Variants in TUBGCP2 observed in about 807,000 individuals in gnomAD.
TUBGCP2 encodes gamma-tubulin complex component 2.
In TUBGCP2, 55 loss-of-function variants were observed where a neutral mutation model predicts 92.2. That is an observed-to-expected ratio of 0.60 (90% CI 0.48 to 0.75). TUBGCP2 has a LOEUF of 0.75. TUBGCP2 is among the 30% of genes least tolerant of loss of function. The pLI is 0.00. For synonymous variants in TUBGCP2, 533 were observed against 505.2 expected (o/e 1.06, Z -0.74); for missense variants, 1,093 against 1,188.9 (o/e 0.92, Z 1.19).
In TUBGCP2 at chr10:133,288,232, C is replaced by A. The variant is rs758377050; in HGVS notation, c.1619G>T (p.Arg540Leu). ...HFMDLAEEEL[R>L]KPVEDITPPR... is the part of the protein sequence containing the mutation. ...GGGCGTGATGTCCTCCACCGGCTTC[C>A]GGAGCTCCTCCTCCGCGAGGTCCAT... Residue 540 changes from arginine to leucine, a missense_variant, in exon 11 of 18, where the codon CGG becomes CTG. By Grantham distance (102) the Arg-to-Leu change is moderately radical. This residue lies in a region of TUBGCP2 where 598 missense variants were observed against 675.5 expected (regional missense o/e 0.89). Coordinates refer to ENST00000252936, the MANE Select transcript of TUBGCP2 (RefSeq NM_006659.4). The A allele has an allele frequency of 6.2e-7, 1 of 1,613,690 alleles. No individual in the cohort carries two copies. The highest frequency in any genetic ancestry group is 1.1e-5 in the South Asian group (1 of 91,096).
At chr10:133,291,261 C>T (rs376402536) in intron 8 of TUBGCP2, among the ~76,000 whole-genome samples, 10,857 of 90,060 alleles carry the variant, frequency 0.12, 1,142 homozygotes, top group African/African-American at 0.42. Context: ...CATGTCCCTC[C>T]GTGTCCCCCA....
intron 1 of TUBGCP2, 168 bp downstream of exon 1, chr10:133,308,655 G>A (rs2136148382): frequency 4.5e-6 from 1 of 223,970 alleles, no homozygotes. Context: ...CCTGGCCGGT[G>A]CAGGCCCGAA....
chr10:133,305,871 C>T (rs1001611378), intron 1 of TUBGCP2, among the ~76,000 whole-genome samples: 4 of 152,242 alleles, frequency 2.6e-5, no homozygotes, highest in Admixed American at 2.0e-4. Flanking sequence ...GGGCACGCGC[C>T]ATGGAGCCCC....
At chr10:133,310,050 C>T (rs367565498), upstream of TUBGCP2, 26 of 1,608,914 alleles carry the variant, frequency 1.6e-5, no homozygotes, top group Admixed American at 1.2e-4. Context: ...CCCCAGCTCT[C>T]GGGTGCTCGG....
At chr10:133,299,745 G>A (rs117692483) in intron 3 of TUBGCP2, 142 bp from the exon 4 acceptor site, 23,652 of 864,432 alleles carry the variant, frequency 0.027, 417 homozygotes, top group Middle Eastern at 0.038. Flanking sequence ...CGACAGGCAG[G>A]AACTGAGCGT....
chr10:133,302,452 C>A (rs1488995485), intron 2 of TUBGCP2: 7 of 312,246 alleles, frequency 2.2e-5, no homozygotes, highest in Non-Finnish European at 4.3e-5. Context: ...GTGGCGCTCA[C>A]CCTGCCCCCT....
upstream of TUBGCP2, chr10:133,309,565 C>A: frequency 7.1e-7 from 1 of 1,403,164 alleles, no homozygotes; most frequent in Non-Finnish European, 9.8e-7. Flanking sequence ...TGTGCGGCCG[C>A]CCCACCGAGG....
intron 11 of TUBGCP2, among the ~76,000 whole-genome samples, chr10:133,287,766 C>A (rs568597835): frequency 1.3e-4 from 19 of 151,888 alleles, no homozygotes; most frequent in African/African-American, 4.6e-4. Flanking sequence ...AAAACAACGA[C>A]AACAAAAAGG....
rs369731701 is a variant in TUBGCP2, at chr10:133,296,119, C to T, written c.616+1833G>A. On this transcript the variant is annotated intron_variant, in intron 5 of 17. Transcript: ENST00000252936. Reference sequence around the variant, plus strand: ...GCAGGGTTCACAGCCAAGTCTCACACACTTGCTGCCAATCACCGCCACGCT... The same window carrying T: ...GCAGGGTTCACAGCCAAGTCTCACATACTTGCTGCCAATCACCGCCACGCT... The T allele has an allele frequency of 1.1e-3, 163 of 152,538 alleles. 1 individual carries two copies. The highest frequency in any genetic ancestry group is 3.8e-3 in the African/African-American group (158 of 41,584). 9.4% of individuals were successfully genotyped at this position (152,538 alleles called of 1,614,324 possible). A position where few individuals can be genotyped will look rare whatever the true frequency, so the allele number is the denominator to read the frequency against.
At position 133,293,069 on chromosome 10, in the gene TUBGCP2, T is replaced by C; in HGVS notation, c.994A>G (p.Met332Val). Residue 332 changes from methionine (M) to valine (V), a missense_variant, in exon 7 of 18, where the codon ATG becomes GTG. By Grantham distance (21) the Met-to-Val change is conservative (BLOSUM62 1). This residue lies in a region of TUBGCP2 where 490 missense variants were observed against 488.5 expected (regional missense o/e 1.00). Coordinates refer to ENST00000252936, the MANE Select transcript of TUBGCP2 (RefSeq NM_006659.4). The stretch of plus-strand genomic sequence containing the variant: ...GAGGCCAGGATGTCCATGGTGCGCA[T>C]GGCTGGCTGGATGTAGAACCAGAGC... ...QKLWFYIQPA[M>V]RTMDILASLA... 6.2e-7 allele frequency: 1 copy of C among 1,613,532 alleles called. No homozygotes were observed. The highest frequency in any genetic ancestry group is 8.5e-7 in the Non-Finnish European group (1 of 1,180,012).
chr10:133,285,229 C>T lies in TUBGCP2; in HGVS notation c.1896-16G>A, dbSNP rs533274197. On this transcript the variant is annotated splice_polypyrimidine_tract_variant and intron_variant, in intron 12 of 17. Transcript: ENST00000252936. This position sits in a 1 kb window ranked among gnomAD's most constrained non-coding sequence, Gnocchi z 6.8. ...GAGGGCTTTCCTGCAAGAGACGTGG[C>T]GGCACCTCAGGTGGGCCTCCGTGAC... 70 of 1,610,672 alleles carry T rather than the reference C, an allele frequency of 4.3e-5. 1 individual carries two copies. The Middle Eastern group carries it at 5.0e-4, about 11-fold the overall frequency.
intron 1 of TUBGCP2, among the ~76,000 whole-genome samples, chr10:133,305,382 TCA>T (rs1847786207): frequency 1.3e-5 from 2 of 152,158 alleles, no homozygotes; most frequent in Non-Finnish European, 2.9e-5. Context: ...TGGAGATGAC[TCA>T]CACTCTTTAC....
At chr10:133,283,832 TGAAAG>T in intron 14 of TUBGCP2, 45 bp downstream of exon 14, 1 of 1,603,932 alleles carries the variant, frequency 6.2e-7, no homozygotes, top group Non-Finnish European at 8.5e-7. Flanking sequence ...TGTCTCCCTG[TGAAAG>T]GAAAGTGGCT....
chr10:133,285,430 C>A lies in TUBGCP2; in HGVS notation c.1895+26G>T, dbSNP rs760169939. 6.4e-5 allele frequency: 103 copies of A among 1,612,780 alleles called. No individual in the cohort carries two copies. In the East Asian group the frequency reaches 2.3e-3, roughly 36 times the overall value. Reference sequence around the variant, plus strand: ...CTGCCAAACCTGAGTGAAGATCTGGCAGGTGCCCGAGCAGCCGACCCGCAC... The same window carrying A: ...CTGCCAAACCTGAGTGAAGATCTGGAAGGTGCCCGAGCAGCCGACCCGCAC... On this transcript the variant is annotated intron_variant, in intron 12 of 17. Coordinates refer to ENST00000252936, the MANE Select transcript of TUBGCP2 (RefSeq NM_006659.4). The surrounding 1 kb of genome is among the most constrained non-coding windows in gnomAD (Gnocchi z 6.8).
chr10:133,282,637 G>A (rs1034998986), intron 15 of TUBGCP2, among the ~76,000 whole-genome samples: 4 of 152,086 alleles, frequency 2.6e-5, no homozygotes, highest in South Asian at 2.1e-4. Context: ...GCCCTCCTCC[G>A]GACCCTCCCC....
At position 133,285,043 on chromosome 10, in the gene TUBGCP2, C is replaced by G. The variant is rs184527226; in HGVS notation, c.2024+42G>C. ...GCACCACTGGGCAGAGTGCAGCGAGCGCTGCTTCAGGAGGGCATGCGGGGG... is the reference window on the plus strand; with the variant it reads ...GCACCACTGGGCAGAGTGCAGCGAGGGCTGCTTCAGGAGGGCATGCGGGGG... On this transcript the variant is annotated intron_variant, in intron 13 of 17. Coordinates refer to ENST00000252936, the MANE Select transcript of TUBGCP2 (RefSeq NM_006659.4). The surrounding 1 kb of genome is among the most constrained non-coding windows in gnomAD (Gnocchi z 6.8). 66 of 1,563,842 alleles carry G rather than the reference C, an allele frequency of 4.2e-5. No individual in the cohort carries two copies. Among genetic ancestry groups the G allele is most frequent in the Middle Eastern group, 2.1e-4 (1 of 4,846 alleles).
At chr10:133,282,651 G>A (rs1477104442) in intron 15 of TUBGCP2, among the ~76,000 whole-genome samples, 1 of 152,134 alleles carries the variant, frequency 6.6e-6, no homozygotes, top group East Asian at 1.9e-4. Flanking sequence ...CCTCCCCATG[G>A]CACTGCCTGG....
Position 133,289,910 on chromosome 10 carries a change from T to A in TUBGCP2, c.1274A>T (p.Asp425Val), listed in dbSNP as rs1419710876. Residue 425 changes from aspartate (D) to valine (V), a missense_variant, in exon 9 of 18, where the codon GAC (aspartate) becomes GTC (valine). Transcript: ENST00000252936. Reference sequence around the variant, plus strand: ...GGTGTACCGCTGGTCCCAGTACTTGTCGTTGTAATCCTCCTGGATCCTCTC... The same window carrying A: ...GGTGTACCGCTGGTCCCAGTACTTGACGTTGTAATCCTCCTGGATCCTCTC... ...RKERIQEDYN[D>V]KYWDQRYTIV... 1 of 1,579,236 alleles carries A rather than the reference T, an allele frequency of 6.3e-7. No homozygotes were observed. Among genetic ancestry groups the A allele is most frequent in the Admixed American group, 1.7e-5 (1 of 57,802 alleles).
At chr10:133,284,816 C>T (rs1431699510) in intron 13 of TUBGCP2, among the ~76,000 whole-genome samples, 4 of 152,242 alleles carry the variant, frequency 2.6e-5, no homozygotes, top group East Asian at 1.9e-4. Flanking sequence ...TCTCCATGCC[C>T]GTGCAGTCAC....
Sources: gnomAD v4.1 joint callset for allele counts (sites outside exome capture counted in the v4.1 genomes callset) on GRCh38, gnomAD v4.1.1 for gene constraint, gnomAD v4.1.1 regional missense constraint, Gnocchi (gnomAD v3.1) non-coding constraint, MANE v1.5 for transcripts, NCBI Gene and HGNC (gene_info 2026-07-23, HGNC 2026-07-21) for gene names.